AXDND1: variants seen among roughly 807,000 people sequenced by gnomAD.
The protein encoded by AXDND1 is axonemal dynein light chain domain-containing protein 1.
Under a neutral mutation model 137.5 loss-of-function variants are expected in AXDND1, and 110 were observed. The ratio of observed to expected loss-of-function variants is 0.80; its 90% CI spans 0.69 to 0.94. AXDND1 has a LOEUF of 0.94. AXDND1 is among the 40% of genes least tolerant of loss of function. AXDND1 has a pLI of 0.00. For synonymous variants in AXDND1, 414 were observed against 399.7 expected, an observed-to-expected ratio of 1.04 and a Z score of -0.43; for missense variants, 1,191 against 1,169.8, an observed-to-expected ratio of 1.02 and a Z score of -0.26.
At chr1:179,422,718 AAG>A (rs1412330554) in intron 12 of AXDND1, among the ~76,000 whole-genome samples, 1 of 152,262 alleles carries the variant, frequency 6.6e-6, no homozygotes, top group African/African-American at 2.4e-5. Flanking sequence ...CATTACTGAA[AAG>A]AGTGTTAAAA....
intron 11 of AXDND1, among the ~76,000 whole-genome samples, chr1:179,400,094 G>A (rs529288471): frequency 1.1e-3 from 173 of 152,212 alleles, no homozygotes; most frequent in Non-Finnish European, 6.3e-4. Flanking sequence ...AGGAAAAGAA[G>A]TCATTATATG....
At chr1:179,481,683 G>C (rs1225176824) in intron 17 of AXDND1, among the ~76,000 whole-genome samples, 1 of 152,174 alleles carries the variant, frequency 6.6e-6, no homozygotes, top group Non-Finnish European at 1.5e-5. Flanking sequence ...CATTCTAACT[G>C]GTGTGAGGTG....
At chr1:179,462,056 G>T (rs1662402103) in intron 16 of AXDND1, among the ~76,000 whole-genome samples, 1 of 152,044 alleles carries the variant, frequency 6.6e-6, no homozygotes. Flanking sequence ...CTGCCTGATT[G>T]CCCTGGCCAT....
At chr1:179,541,805 G>A (rs1672192572) in intron 25 of AXDND1, among the ~76,000 whole-genome samples, 2 of 151,998 alleles carry the variant, frequency 1.3e-5, no homozygotes, top group African/African-American at 2.4e-5. Context: ...GTATCATTGT[G>A]TATAATAGAA....
chr1:179,376,513 A>T (rs1285779272), intron 4 of AXDND1, among the ~76,000 whole-genome samples: 1 of 152,176 alleles, frequency 6.6e-6, no homozygotes, highest in Non-Finnish European at 1.5e-5. Flanking sequence ...CGAAGTCACC[A>T]TGTGCTGTTG....
intron 16 of AXDND1, chr1:179,448,197 T>G: frequency 1.2e-6 from 1 of 869,026 alleles, no homozygotes; most frequent in Non-Finnish European, 2.0e-6. Flanking sequence ...GTTCAGAGCC[T>G]CAACAATATC....
At chr1:179,379,535 T>C (rs1647867027) in intron 6 of AXDND1, 53 bp downstream of exon 6, 2 of 1,596,168 alleles carry the variant, frequency 1.3e-6, no homozygotes, top group Middle Eastern at 2.0e-4. Context: ...GGCCCATGCC[T>C]GTAATCCCAG....
chr1:179,411,448 A>C (rs1246282660), intron 12 of AXDND1, among the ~76,000 whole-genome samples, 182 bp downstream of exon 12: 1 of 152,120 alleles, frequency 6.6e-6, no homozygotes, highest in Non-Finnish European at 1.5e-5. Context: ...GGGTTCAAGC[A>C]ATTCTCCCAC....
chr1:179,432,716 A>G (rs146207913), intron 15 of AXDND1, among the ~76,000 whole-genome samples: 1 of 152,200 alleles, frequency 6.6e-6, no homozygotes, highest in East Asian at 1.9e-4. Flanking sequence ...GTGAGTCACC[A>G]TGCCCGACCA....
At chr1:179,521,195 T>A (rs1265411474) in intron 21 of AXDND1, among the ~76,000 whole-genome samples, 1 of 152,046 alleles carries the variant, frequency 6.6e-6, no homozygotes, top group Non-Finnish European at 1.5e-5. Context: ...TGGGCTCAAG[T>A]GATCCTCCTG....
intron 16 of AXDND1, among the ~76,000 whole-genome samples, chr1:179,447,074 C>G (rs1558190948): frequency 2.0e-5 from 3 of 152,232 alleles, no homozygotes; most frequent in East Asian, 3.9e-4. Context: ...TTCAAGTCCT[C>G]TCTTCTAGCT....
intron 17 of AXDND1, among the ~76,000 whole-genome samples, chr1:179,478,480 C>T (rs1664902825): frequency 6.6e-6 from 1 of 152,136 alleles, no homozygotes; most frequent in East Asian, 1.9e-4. Context: ...TTTCTGAAGC[C>T]ATGGCCCCAG....
At chr1:179,506,330 C>T (rs1668533504) in intron 20 of AXDND1, among the ~76,000 whole-genome samples, 1 of 152,182 alleles carries the variant, frequency 6.6e-6, no homozygotes, top group African/African-American at 2.4e-5. Flanking sequence ...CAGCACCTGA[C>T]AGTGCTGAGA....
intron 16 of AXDND1, among the ~76,000 whole-genome samples, chr1:179,459,783 TTTTC>T (rs1661980563): frequency 6.6e-6 from 1 of 150,464 alleles, no homozygotes; most frequent in African/African-American, 2.4e-5. Context: ...TTTTTCTTTA[TTTTC>T]TTTCTCTCTC....
intron 11 of AXDND1, among the ~76,000 whole-genome samples, chr1:179,397,190 T>G (rs915507100): frequency 6.6e-6 from 1 of 152,198 alleles, no homozygotes; most frequent in Non-Finnish European, 1.5e-5. Context: ...TGGTAATGAA[T>G]TTTCTCAGCA....
intron 21 of AXDND1, among the ~76,000 whole-genome samples, chr1:179,510,494 T>C (rs889633761): frequency 6.6e-6 from 1 of 152,174 alleles, no homozygotes; most frequent in South Asian, 2.1e-4. Context: ...TCTTTCTAAA[T>C]TATTCACCTT....
chr1:179,513,719 T>A (rs1044038486), intron 21 of AXDND1, among the ~76,000 whole-genome samples: 5 of 152,230 alleles, frequency 3.3e-5, no homozygotes, highest in Middle Eastern at 3.4e-3. Context: ...GGTAATTTTT[T>A]AATTACCATT....
chr1:179,375,587 T>C (rs902029711), intron 4 of AXDND1, among the ~76,000 whole-genome samples: 3 of 146,990 alleles, frequency 2.0e-5, no homozygotes, highest in African/African-American at 7.5e-5. Context: ...TATGTACATA[T>C]ATGTATATAA....
intron 9 of AXDND1, among the ~76,000 whole-genome samples, chr1:179,392,676 A>G (rs561205480): frequency 3.9e-5 from 6 of 152,272 alleles, no homozygotes; most frequent in Middle Eastern, 3.4e-3. Context: ...TTGCAGTAGT[A>G]GGGTGATATT....
Sources: gnomAD v4.1 joint callset for allele counts (sites outside exome capture counted in the v4.1 genomes callset) on GRCh38, gnomAD v4.1.1 for gene constraint, MANE v1.5 for transcripts, NCBI Gene and HGNC (gene_info 2026-07-23, HGNC 2026-07-21) for gene names.